The following GNB1 variants were observed in gnomAD, a reference collection of about 807,000 sequenced individuals.
GNB1 encodes G protein subunit beta 1.
GNB1 carries 2 observed loss-of-function variants against 42.9 expected under a neutral mutation model. That is an observed-to-expected ratio of 0.05 (90% CI 0.02 to 0.15). GNB1 has a LOEUF of 0.15. Among genes scored for constraint, GNB1 ranks in the 10% least tolerant of loss-of-function variants. The pLI is 1.00. For synonymous variants in GNB1, 183 were observed against 174.7 expected (o/e 1.05, Z -0.38); for missense variants, 193 against 462.2 (o/e 0.42, Z 5.34).
intron 7 of GNB1, 147 bp downstream of exon 7, chr1:1,804,272 C>G (rs1036516254): frequency 1.0e-5 from 6 of 575,164 alleles, no homozygotes; most frequent in Admixed American, 8.5e-5. Flanking sequence ...GCACTCCAGC[C>G]TGGGTGACAG....
chr1:1,858,778 C>A (rs545851977), intron 1 of GNB1, among the ~76,000 whole-genome samples: 1 of 152,286 alleles, frequency 6.6e-6, no homozygotes, highest in African/African-American at 2.4e-5. Context: ...CGAGGGGGTT[C>A]GTGCTCCAAC....
At chr1:1,875,683 A>G (rs904429494) in intron 1 of GNB1, among the ~76,000 whole-genome samples, 1 of 152,016 alleles carries the variant, frequency 6.6e-6, no homozygotes, top group African/African-American at 2.4e-5. Flanking sequence ...CCCTTTTTCT[A>G]TGTAAATTAT....
At chr1:1,844,648 T>G (rs1273515492) in intron 1 of GNB1, among the ~76,000 whole-genome samples, 1 of 152,204 alleles carries the variant, frequency 6.6e-6, no homozygotes, top group Non-Finnish European at 1.5e-5. Flanking sequence ...TTCTTCTCTA[T>G]CAACATAATC....
chr1:1,887,192 T>C (rs1650203092), intron 1 of GNB1, among the ~76,000 whole-genome samples: 1 of 152,166 alleles, frequency 6.6e-6, no homozygotes, highest in African/African-American at 2.4e-5. Context: ...TGTAATCCAA[T>C]TTAGAGACCA....
chr1:1,804,236 G>T (rs1231468385), intron 7 of GNB1, among the ~76,000 whole-genome samples, 183 bp downstream of exon 7: 3 of 149,950 alleles, frequency 2.0e-5, no homozygotes, highest in Non-Finnish European at 1.5e-5. Context: ...GAGGCGGAGC[G>T]TGCAGTGAGC....
At chr1:1,807,644 AAAC>A (rs1220025134) in intron 5 of GNB1, among the ~76,000 whole-genome samples, 3 of 152,172 alleles carry the variant, frequency 2.0e-5, no homozygotes, top group African/African-American at 4.8e-5. Context: ...CCTGCTTGGT[AAAC>A]AACAGCACCA....
intron 5 of GNB1, among the ~76,000 whole-genome samples, chr1:1,807,737 T>G (rs1646721539): frequency 2.6e-5 from 4 of 151,480 alleles, no homozygotes; most frequent in Non-Finnish European, 5.9e-5. Flanking sequence ...AGACGGAGTC[T>G]CGCTCCGTGG....
intron 1 of GNB1, among the ~76,000 whole-genome samples, chr1:1,867,382 T>C (rs1039316144): frequency 6.6e-6 from 1 of 152,240 alleles, no homozygotes; most frequent in Non-Finnish European, 1.5e-5. Flanking sequence ...AGACCTACTA[T>C]GTACCAGGCA....
intron 2 of GNB1, among the ~76,000 whole-genome samples, chr1:1,830,175 C>A (rs1647056151): frequency 6.6e-6 from 1 of 152,156 alleles, no homozygotes. Context: ...CCAACACACG[C>A]ATACAAAGTT....
At chr1:1,830,849 G>C (rs1280542758) in intron 2 of GNB1, among the ~76,000 whole-genome samples, 2 of 152,056 alleles carry the variant, frequency 1.3e-5, no homozygotes, top group African/African-American at 2.4e-5. Context: ...ACCACACCCA[G>C]CCTAAAGTTA....
intron 2 of GNB1, among the ~76,000 whole-genome samples, chr1:1,833,422 C>T (rs779150491): frequency 1.2e-4 from 18 of 152,192 alleles, no homozygotes; most frequent in South Asian, 2.1e-4. Flanking sequence ...CCTTACGCAC[C>T]GCTCCTAACA....
Position 1,803,739 on chromosome 1 carries a change from T to C in GNB1, c.430+680A>G, listed in dbSNP as rs572602018. ...CGGCTCACGCCTATAATCCCAGCAC[T>C]TTGGGAGGCTAAGGCAGGCGGATCA... On this transcript the variant is annotated intron_variant, in intron 7 of 11. Coordinates refer to ENST00000378609, the MANE Select transcript of GNB1 (RefSeq NM_002074.5). Among the ~76,000 whole-genome samples the C allele has an allele frequency of 1.1e-4, 17 of 152,224 alleles. 1 individual carries two copies. The highest frequency in any genetic ancestry group is 3.9e-4 in the African/African-American group (16 of 41,516).
At chr1:1,813,224 C>A (rs768896434) in intron 5 of GNB1, among the ~76,000 whole-genome samples, 1 of 151,778 alleles carries the variant, frequency 6.6e-6, no homozygotes, top group South Asian at 2.1e-4. Flanking sequence ...GTAACCTCCA[C>A]GTGCCTCAGC....
chr1:1,831,923 G>A (rs959057181), intron 2 of GNB1, among the ~76,000 whole-genome samples: 2 of 151,368 alleles, frequency 1.3e-5, no homozygotes, highest in African/African-American at 2.4e-5. Flanking sequence ...ATTAGCTGGC[G>A]CAGTGGCACA....
At position 1,880,290 on chromosome 1, in the gene GNB1, G is replaced by C. The variant is rs979658675; in HGVS notation, c.-96+10530C>G. On this transcript the variant is annotated intron_variant, in intron 1 of 11. Transcript: ENST00000378609. ...TTTTTATATGTCAACACAATGAAAA[G>C]TCAAATAACATCTTAATATGATTAT... Among the ~76,000 whole-genome samples the C allele has an allele frequency of 3.9e-5, 6 of 152,230 alleles. No homozygotes were observed. The South Asian group carries it at 6.2e-4, about 16-fold the overall frequency.
chr1:1,851,807 G>T (rs1032354719), intron 1 of GNB1, among the ~76,000 whole-genome samples: 2 of 152,140 alleles, frequency 1.3e-5, no homozygotes, highest in Non-Finnish European at 2.9e-5. Context: ...ACTTTGGGAG[G>T]CTGAGGTGGG....
chr1:1,799,785 C>G (rs1646599887), intron 7 of GNB1, among the ~76,000 whole-genome samples: 1 of 152,322 alleles, frequency 6.6e-6, no homozygotes, highest in South Asian at 2.1e-4. Context: ...AACCCCAGGG[C>G]TACAGCCTCA....
intron 7 of GNB1, among the ~76,000 whole-genome samples, chr1:1,803,968 T>C (rs1354515531): frequency 2.3e-3 from 212 of 93,074 alleles, no homozygotes; most frequent in Middle Eastern, 0.013. Context: ...GGTGACATAG[T>C]GAGACTCTGT....
intron 1 of GNB1, among the ~76,000 whole-genome samples, chr1:1,886,137 C>A (rs1182460036): frequency 6.6e-6 from 1 of 151,818 alleles, no homozygotes; most frequent in African/African-American, 2.4e-5. Context: ...CATGGTGAAA[C>A]CCCATCTCTA....
Sources: gnomAD v4.1 joint callset for allele counts (sites outside exome capture counted in the v4.1 genomes callset) on GRCh38, gnomAD v4.1.1 for gene constraint, MANE v1.5 for transcripts, NCBI Gene and HGNC (gene_info 2026-07-23, HGNC 2026-07-21) for gene names.